NFX1: variants seen among roughly 807,000 people sequenced by gnomAD.
NFX1 encodes nuclear transcription factor, X-box binding 1.
Under a neutral mutation model 137.2 loss-of-function variants are expected in NFX1, and 69 were observed. The observed-to-expected ratio is 0.50, with a 90% CI of 0.41 to 0.61. The LOEUF is 0.61. Among genes scored for constraint, NFX1 ranks in the 20% least tolerant of loss-of-function variants. The pLI is 0.00. For missense variants in NFX1, 1,167 were observed against 1,391.0 expected, an observed-to-expected ratio of 0.84 and a Z score of 2.56; for synonymous variants, 495 against 474.1, an observed-to-expected ratio of 1.04 and a Z score of -0.57.
chr9:33,314,412 C>G (rs1357628549), intron 7 of NFX1, among the ~76,000 whole-genome samples: 2 of 152,138 alleles, frequency 1.3e-5, no homozygotes, highest in African/African-American at 4.8e-5. Flanking sequence ...CATAGTGGCT[C>G]ATGCCTGTAA....
intron 9 of NFX1, among the ~76,000 whole-genome samples, chr9:33,325,418 C>G (rs1318409405): frequency 6.6e-6 from 1 of 151,740 alleles, no homozygotes; most frequent in Non-Finnish European, 1.5e-5. Context: ...AATCCCAGCA[C>G]TTTGAGAGGC....
chr9:33,311,066 A>G (rs575146027), intron 5 of NFX1, 40 bp from the exon 6 acceptor site: 5 of 1,601,658 alleles, frequency 3.1e-6, no homozygotes, highest in East Asian at 2.2e-5. Context: ...GGGTTTGGAT[A>G]CATGGCTGTG....
At position 33,342,128 on chromosome 9, in the gene NFX1, T is replaced by TCACACA. The variant is rs150408873; in HGVS notation, c.2116-600_2116-595dup. 2.7e-3 allele frequency among the ~76,000 whole-genome samples: 399 copies of TCACACA among 146,176 alleles called. 2 individuals are homozygous for TCACACA. The highest frequency in any genetic ancestry group is 9.2e-3 in the African/African-American group (365 of 39,836). On this transcript the variant is annotated intron_variant, in intron 12 of 23. Coordinates refer to ENST00000379540, the MANE Select transcript of NFX1 (RefSeq NM_002504.6). ...GAGACCCTGTCTCTGTCTCTCTCTC[T>TCACACA]CACACACACACACACACACACACGA...
At chr9:33,360,655 A>T (rs1469102374) in intron 19 of NFX1, among the ~76,000 whole-genome samples, 1 of 152,228 alleles carries the variant, frequency 6.6e-6, no homozygotes, top group Non-Finnish European at 1.5e-5. Context: ...CTGTGTGTAT[A>T]TATATGTATG....
At chr9:33,305,255 G>A (rs1427390932) in intron 4 of NFX1, among the ~76,000 whole-genome samples, 1 of 152,220 alleles carries the variant, frequency 6.6e-6, no homozygotes, top group Non-Finnish European at 1.5e-5. Context: ...CTTACAGCTG[G>A]ATGATTAAGA....
Position 33,295,262 on chromosome 9 carries a change from C to T in NFX1, c.868C>T (p.Pro290Ser). The T allele has an allele frequency of 6.2e-7, 1 of 1,614,068 alleles. No individual in the cohort carries two copies. The highest frequency in any genetic ancestry group is 8.5e-7 in the Non-Finnish European group (1 of 1,180,012). ...TCCAAAGGATGACCTCAATGAAAGA[C>T]CAGCAAAATCTACCTGTGACAGTGA... ...PIPKDDLNERPAKSTCDSENL... is the reference protein window; with the variant it reads ...PIPKDDLNERSAKSTCDSENL... The change falls in exon 2 of 24, where the codon CCA becomes TCA. Residue 290 changes from proline (P) to serine (S), a missense_variant. Pro to Ser is a moderately conservative substitution (Grantham distance 74). Transcript: ENST00000379540.
intron 19 of NFX1, among the ~76,000 whole-genome samples, chr9:33,356,827 AAAAAT>A (rs1475139778): frequency 6.6e-6 from 1 of 152,058 alleles, no homozygotes; most frequent in Admixed American, 6.6e-5. Flanking sequence ...CATCTGTACA[AAAAAT>A]AAAATAAAAT....
chr9:33,344,234 C>T, intron 14 of NFX1, 46 bp downstream of exon 14: 2 of 1,610,302 alleles, frequency 1.2e-6, no homozygotes, highest in Non-Finnish European at 1.7e-6. Flanking sequence ...CACACCATGT[C>T]ATTTAGGATC....
intron 4 of NFX1, among the ~76,000 whole-genome samples, chr9:33,306,305 G>A (rs570601348): frequency 2.6e-5 from 4 of 152,300 alleles, no homozygotes; most frequent in African/African-American, 9.6e-5. Flanking sequence ...ACCCTGAAAA[G>A]GGAGGAGTTA....
At chr9:33,310,821 T>A (rs538325359) in intron 5 of NFX1, among the ~76,000 whole-genome samples, 2 of 152,356 alleles carry the variant, frequency 1.3e-5, no homozygotes, top group South Asian at 2.1e-4. Context: ...AAGACTGTAT[T>A]TGAAAATGTC....
At chr9:33,322,364 G>C (rs546139191) in intron 9 of NFX1, among the ~76,000 whole-genome samples, 16 of 152,200 alleles carry the variant, frequency 1.1e-4, no homozygotes, top group African/African-American at 3.9e-4. Flanking sequence ...CAGCTTGACA[G>C]ATCTCCACTC....
chr9:33,327,776 C>G (rs1210053016), intron 9 of NFX1, among the ~76,000 whole-genome samples: 1 of 152,144 alleles, frequency 6.6e-6, no homozygotes, highest in Non-Finnish European at 1.5e-5. Context: ...CCCATAGGGT[C>G]CTGGAAACAG....
At chr9:33,322,122 A>T (rs1822408154) in intron 9 of NFX1, among the ~76,000 whole-genome samples, 1 of 149,822 alleles carries the variant, frequency 6.7e-6, no homozygotes, top group African/African-American at 2.5e-5. Flanking sequence ...AATTGCTTGA[A>T]CCTGGGGGGC....
At chr9:33,336,315 G>A (rs561967631) in intron 11 of NFX1, among the ~76,000 whole-genome samples, 2 of 152,038 alleles carry the variant, frequency 1.3e-5, no homozygotes, top group South Asian at 2.1e-4. Flanking sequence ...TCCCAGGTTC[G>A]AGTGATTCAC....
intron 12 of NFX1, among the ~76,000 whole-genome samples, chr9:33,340,071 TCA>T (rs1823162531): frequency 6.6e-6 from 1 of 152,222 alleles, no homozygotes; most frequent in Admixed American, 6.5e-5. Context: ...GGCCTTCTTC[TCA>T]CAGCTCCACT....
At chr9:33,292,304 T>C (rs1190116864) in intron 1 of NFX1, among the ~76,000 whole-genome samples, 2 of 152,244 alleles carry the variant, frequency 1.3e-5, no homozygotes, top group Non-Finnish European at 2.9e-5. Context: ...GCATCATCTT[T>C]AGCCCACACC....
rs759695372 is a variant in NFX1, at chr9:33,366,680, C to T, written c.3091C>T (p.Arg1031Cys). Residue 1031 changes from arginine (R) to cysteine (C), a missense_variant, in exon 22 of 24, where the codon CGC becomes TGC. Arg to Cys is a radical substitution (Grantham distance 180, BLOSUM62 -3). This residue lies in a region of NFX1 where 312 missense variants were observed against 312.8 expected (regional missense o/e 1.00). Transcript: ENST00000379540. ...HSFPPMNRDH[R>C]RIIHDLAQVY... ...CTTCCCTCCCATGAACAGAGACCAC[C>T]GCCGGATCATCCATGACTTGGCCCA... 28 of 1,614,012 alleles carry T rather than the reference C, an allele frequency of 1.7e-5. No homozygotes were observed. The East Asian group carries it at 3.8e-4, about 22-fold the overall frequency.
intron 15 of NFX1, 77 bp downstream of exon 15, chr9:33,347,194 T>C (rs1823454260): frequency 8.7e-7 from 1 of 1,150,014 alleles, no homozygotes; most frequent in Non-Finnish European, 1.3e-6. Context: ...GTTAGTCTCA[T>C]CGTCTGTCAA....
At chr9:33,311,575 C>T (rs754232201) in intron 6 of NFX1, among the ~76,000 whole-genome samples, 5 of 150,664 alleles carry the variant, frequency 3.3e-5, no homozygotes, top group Non-Finnish European at 7.4e-5. Flanking sequence ...TTTTTTGAGA[C>T]GGAGTCTCGG....
Sources: gnomAD v4.1 joint callset for allele counts (sites outside exome capture counted in the v4.1 genomes callset) on GRCh38, gnomAD v4.1.1 for gene constraint, gnomAD v4.1.1 regional missense constraint, MANE v1.5 for transcripts, NCBI Gene and HGNC (gene_info 2026-07-23, HGNC 2026-07-21) for gene names.